The following MACROD2 variants were observed in gnomAD, a reference collection of about 807,000 sequenced individuals.
MACROD2 encodes mono-ADP ribosylhydrolase 2, also known as ADP-ribose glycohydrolase MACROD2.
A neutral mutation model predicts 70.4 loss-of-function variants in MACROD2; 36 were observed. The observed-to-expected ratio is 0.51, with a 90% CI of 0.39 to 0.68. MACROD2 has a LOEUF of 0.68. MACROD2 is among the 30% of genes least tolerant of loss of function. The probability of loss-of-function intolerance (pLI) is 0.00; values close to 1 mark genes in which losing one functional copy is unlikely to be tolerated. For synonymous variants in MACROD2, 172 were observed against 178.8 expected, an observed-to-expected ratio of 0.96 and a Z score of 0.30; for missense variants, 496 against 538.4, an observed-to-expected ratio of 0.92 and a Z score of 0.78.
intron 5 of MACROD2, among the ~76,000 whole-genome samples, chr20:15,068,523 A>C (rs1241417738): frequency 6.6e-6 from 1 of 152,052 alleles, no homozygotes. Flanking sequence ...ATCCTTCATG[A>C]ATGGTTTGGT....
intron 8 of MACROD2, among the ~76,000 whole-genome samples, chr20:15,528,335 A>T (rs780156830): frequency 6.6e-6 from 1 of 152,200 alleles, no homozygotes; most frequent in Non-Finnish European, 1.5e-5. Context: ...GGGTTTCACC[A>T]TATTGGTCAG....
intron 3 of MACROD2, among the ~76,000 whole-genome samples, chr20:14,288,234 A>G (rs2082360065): frequency 6.6e-6 from 1 of 151,948 alleles, no homozygotes; most frequent in Non-Finnish European, 1.5e-5. Context: ...TTAGTTAAAT[A>G]TATGGTCACC....
Position 14,241,250 on chromosome 20 carries a change from A to G in MACROD2, c.271+155522A>G, listed in dbSNP as rs981680882. Reference sequence around the variant, plus strand: ...AACTAGCATAATCTGAGATATTTATAAAGGAAAATATCATCTTGCTAAGTG... The same window carrying G: ...AACTAGCATAATCTGAGATATTTATGAAGGAAAATATCATCTTGCTAAGTG... On this transcript the variant is annotated intron_variant, in intron 3 of 17. Transcript: ENST00000684519. Among the ~76,000 whole-genome samples, 6 of 152,388 alleles carry G rather than the reference A, an allele frequency of 3.9e-5. No individual in the cohort carries two copies. The South Asian group carries it at 6.2e-4, about 16-fold the overall frequency.
chr20:15,425,470 A>G (rs527327648), intron 6 of MACROD2, among the ~76,000 whole-genome samples: 2 of 152,222 alleles, frequency 1.3e-5, no homozygotes, highest in Non-Finnish European at 2.9e-5. Context: ...GTGAAATGTG[A>G]TATATAATGA....
At chr20:14,662,478 C>G (rs891339609) in intron 4 of MACROD2, among the ~76,000 whole-genome samples, 1 of 151,946 alleles carries the variant, frequency 6.6e-6, no homozygotes, top group Non-Finnish European at 1.5e-5. Flanking sequence ...AAAAGCAACA[C>G]TTGACAAATG....
intron 7 of MACROD2, among the ~76,000 whole-genome samples, chr20:15,456,287 G>T (rs975827004): frequency 2.0e-5 from 3 of 152,144 alleles, no homozygotes; most frequent in African/African-American, 7.2e-5. Context: ...CTGGGCCTTT[G>T]CATACACAGT....
chr20:15,737,537 A>T (rs2051040641), intron 8 of MACROD2, among the ~76,000 whole-genome samples: 1 of 147,264 alleles, frequency 6.8e-6, no homozygotes, highest in Admixed American at 6.7e-5. Flanking sequence ...AGCACATGAT[A>T]GTTGATGTGC....
intron 10 of MACROD2, among the ~76,000 whole-genome samples, chr20:15,921,767 T>C (rs928909359): frequency 6.6e-6 from 1 of 152,202 alleles, no homozygotes; most frequent in Non-Finnish European, 1.5e-5. Context: ...GGGCCAGCAG[T>C]TGATCTGGGG....
intron 6 of MACROD2, among the ~76,000 whole-genome samples, chr20:15,428,900 A>AT (rs1372494226): frequency 4.1e-4 from 61 of 149,894 alleles, no homozygotes; most frequent in African/African-American, 7.8e-4. Context: ...GTTGTCAAAC[A>AT]TTTTTTTTTT....
chr20:15,116,696 T>C (rs1481787914), intron 5 of MACROD2, among the ~76,000 whole-genome samples: 2 of 152,218 alleles, frequency 1.3e-5, no homozygotes, highest in African/African-American at 4.8e-5. Context: ...CTTAATAACA[T>C]CTTCTTTTAT....
chr20:14,643,253 G>T (rs1443542294), intron 4 of MACROD2, among the ~76,000 whole-genome samples: 1 of 152,066 alleles, frequency 6.6e-6, no homozygotes, highest in Non-Finnish European at 1.5e-5. Flanking sequence ...CAAAAAATAG[G>T]TTAAAAGTTA....
At chr20:15,342,695 T>A (rs192896509) in intron 6 of MACROD2, among the ~76,000 whole-genome samples, 1 of 152,084 alleles carries the variant, frequency 6.6e-6, no homozygotes, top group Non-Finnish European at 1.5e-5. Flanking sequence ...TACTGTAATA[T>A]AGTAAAAATG....
chr20:14,118,169 C>T (rs566422653), intron 3 of MACROD2, among the ~76,000 whole-genome samples: 2 of 152,116 alleles, frequency 1.3e-5, no homozygotes, highest in African/African-American at 4.8e-5. Flanking sequence ...GTGGTATTTG[C>T]TACATATATA....
intron 3 of MACROD2, among the ~76,000 whole-genome samples, chr20:14,100,578 T>C (rs2054284953): frequency 6.8e-6 from 1 of 146,106 alleles, no homozygotes; most frequent in South Asian, 2.1e-4. Context: ...TTTACATCCC[T>C]ATAGGGGATT....
intron 6 of MACROD2, among the ~76,000 whole-genome samples, chr20:15,343,485 C>T (rs1415146035): frequency 6.6e-6 from 1 of 152,170 alleles, no homozygotes; most frequent in East Asian, 1.9e-4. Context: ...CTTTGACAGT[C>T]AGTGATATCT....
chr20:14,661,862 G>A (rs527809793), intron 4 of MACROD2, among the ~76,000 whole-genome samples: 1 of 152,148 alleles, frequency 6.6e-6, no homozygotes, highest in South Asian at 2.1e-4. Context: ...CAAGTGACAT[G>A]GAAGTGACTA....
intron 5 of MACROD2, among the ~76,000 whole-genome samples, chr20:14,774,682 G>C (rs1489871674): frequency 6.6e-6 from 1 of 152,042 alleles, no homozygotes; most frequent in African/African-American, 2.4e-5. Context: ...TAATACTTAA[G>C]AGTTTATTAA....
At chr20:14,795,052 A>G (rs978425129) in intron 5 of MACROD2, among the ~76,000 whole-genome samples, 1 of 152,062 alleles carries the variant, frequency 6.6e-6, no homozygotes, top group African/African-American at 2.4e-5. Context: ...ACAACTTGGC[A>G]TTTTCAAGAT....
chr20:14,568,411 G>A (rs1979951257), intron 4 of MACROD2, among the ~76,000 whole-genome samples: 1 of 151,956 alleles, frequency 6.6e-6, no homozygotes, highest in South Asian at 2.1e-4. Flanking sequence ...GCAGCATTTA[G>A]CATTCCGTTC....
Sources: gnomAD v4.1 joint callset for allele counts (sites outside exome capture counted in the v4.1 genomes callset) on GRCh38, gnomAD v4.1.1 for gene constraint, MANE v1.5 for transcripts, NCBI Gene and HGNC (gene_info 2026-07-23, HGNC 2026-07-21) for gene names.